FIG4: variants seen among roughly 807,000 people sequenced by gnomAD.
FIG4 encodes FIG4 phosphoinositide 5-phosphatase, also known as polyphosphoinositide phosphatase.
A neutral mutation model predicts 118.6 loss-of-function variants in FIG4; 112 were observed. The observed-to-expected ratio is 0.94, with a 90% CI of 0.81 to 1.11. The LOEUF (loss-of-function observed/expected upper bound fraction) is 1.11, where lower values mean the gene tolerates loss of function less well. FIG4 is among the 50% of genes least tolerant of loss of function. The pLI is 0.00. For synonymous variants in FIG4, 369 were observed against 381.2 expected (o/e 0.97, Z 0.37); for missense variants, 969 against 1,111.7 (o/e 0.87, Z 1.83).
At chr6:109,725,225 G>T (rs1004098049) in intron 3 of FIG4, among the ~76,000 whole-genome samples, 3 of 152,088 alleles carry the variant, frequency 2.0e-5, no homozygotes, top group African/African-American at 7.2e-5. Flanking sequence ...ACATGCGTTA[G>T]GTATTTGTCC....
At chr6:109,713,187 C>T (rs982546248) in intron 1 of FIG4, among the ~76,000 whole-genome samples, 4 of 152,164 alleles carry the variant, frequency 2.6e-5, no homozygotes, top group Non-Finnish European at 5.9e-5. Context: ...GGTGCGGTGG[C>T]GGTGGGATAT....
chr6:109,727,371 C>T, intron 4 of FIG4, 106 bp downstream of exon 4: 1 of 894,266 alleles, frequency 1.1e-6, no homozygotes. Flanking sequence ...TTGCTGTAGC[C>T]TTGGCCTCCC....
chr6:109,708,114 A>C (rs1181161235), intron 1 of FIG4, among the ~76,000 whole-genome samples: 1 of 151,658 alleles, frequency 6.6e-6, no homozygotes, highest in African/African-American at 2.4e-5. Flanking sequence ...CCTACTACCC[A>C]CTAGTTATTT....
intron 1 of FIG4, among the ~76,000 whole-genome samples, chr6:109,691,892 T>C: frequency 6.6e-6 from 1 of 152,228 alleles, no homozygotes; most frequent in East Asian, 1.9e-4. Context: ...AAATTTGAAC[T>C]ATGACTTGTA....
intron 1 of FIG4, among the ~76,000 whole-genome samples, chr6:109,694,707 C>A (rs1421926038): frequency 7.9e-5 from 12 of 152,090 alleles, no homozygotes; most frequent in African/African-American, 2.7e-4. Context: ...GACTAATATC[C>A]AGAATATATG....
chr6:109,696,991 C>T (rs1021986566), intron 1 of FIG4, among the ~76,000 whole-genome samples: 8 of 152,074 alleles, frequency 5.3e-5, no homozygotes, highest in Non-Finnish European at 1.2e-4. Flanking sequence ...ATTAAAATAT[C>T]ACTCTATGTT....
At chr6:109,812,810 A>G (rs1215327523) in intron 22 of FIG4, among the ~76,000 whole-genome samples, 1 of 152,172 alleles carries the variant, frequency 6.6e-6, no homozygotes, top group Non-Finnish European at 1.5e-5. Flanking sequence ...GGAGGGGAAT[A>G]TGAACTTGAG....
chr6:109,793,159 T>A (rs964904680), intron 21 of FIG4, among the ~76,000 whole-genome samples: 3 of 152,228 alleles, frequency 2.0e-5, no homozygotes, highest in Non-Finnish European at 4.4e-5. Flanking sequence ...AAATTTATGA[T>A]GCATGCAGGT....
At chr6:109,756,319 T>G (rs1198537411) in intron 10 of FIG4, among the ~76,000 whole-genome samples, 1 of 152,248 alleles carries the variant, frequency 6.6e-6, no homozygotes, top group Admixed American at 6.5e-5. Context: ...GTTAGTCTGT[T>G]GGGCTTCCCT....
At chr6:109,778,805 T>C (rs1194316199) in intron 16 of FIG4, among the ~76,000 whole-genome samples, 2 of 152,210 alleles carry the variant, frequency 1.3e-5, no homozygotes, top group East Asian at 1.9e-4. Context: ...TTCACTGTGT[T>C]AGCTAGGGTG....
intron 4 of FIG4, among the ~76,000 whole-genome samples, chr6:109,727,522 T>C (rs1775858825): frequency 6.6e-6 from 1 of 152,224 alleles, no homozygotes; most frequent in African/African-American, 2.4e-5. Context: ...GACTCCATTA[T>C]AGCAATTGGC....
At chr6:109,808,545 T>G (rs1373042146) in intron 22 of FIG4, among the ~76,000 whole-genome samples, 1 of 152,186 alleles carries the variant, frequency 6.6e-6, no homozygotes, top group South Asian at 2.1e-4. Flanking sequence ...AGTACTATGG[T>G]TGTCTTGAGG....
intron 1 of FIG4, among the ~76,000 whole-genome samples, chr6:109,695,581 C>CAT (rs923442796): frequency 7.2e-6 from 1 of 138,278 alleles, no homozygotes; most frequent in Non-Finnish European, 1.5e-5. Context: ...GCAGTGAATA[C>CAT]ACACACACAC....
intron 15 of FIG4, among the ~76,000 whole-genome samples, chr6:109,772,081 C>T (rs538920783): frequency 3.9e-5 from 6 of 152,194 alleles, no homozygotes; most frequent in Non-Finnish European, 7.3e-5. Flanking sequence ...CGAAACTGTA[C>T]TTGTCCAGGT....
intron 16 of FIG4, among the ~76,000 whole-genome samples, chr6:109,783,321 TAA>T (rs1777859095): frequency 6.6e-6 from 1 of 152,196 alleles, no homozygotes; most frequent in South Asian, 2.1e-4. Flanking sequence ...ATGTAAAAAT[TAA>T]AGACTGCATT....
chr6:109,704,489 C>T (rs976359676), intron 1 of FIG4, among the ~76,000 whole-genome samples: 1 of 151,988 alleles, frequency 6.6e-6, no homozygotes, highest in African/African-American at 2.4e-5. Context: ...AACCCTGTCT[C>T]TACTAAAAAT....
intron 10 of FIG4, among the ~76,000 whole-genome samples, chr6:109,754,785 T>C (rs1217648155): frequency 6.6e-6 from 1 of 152,212 alleles, no homozygotes; most frequent in Admixed American, 6.5e-5. Context: ...TCGGTGGTGA[T>C]ATCTCCTTTA....
chr6:109,818,294 G>A (rs996820121), intron 22 of FIG4, among the ~76,000 whole-genome samples: 63 of 152,094 alleles, frequency 4.1e-4, no homozygotes, highest in Middle Eastern at 3.4e-3. Flanking sequence ...TCCACCTCCT[G>A]GGTTCAAGCA....
At chr6:109,813,089 T>TA (rs1218872280) in intron 22 of FIG4, among the ~76,000 whole-genome samples, 2 of 152,346 alleles carry the variant, frequency 1.3e-5, no homozygotes, top group South Asian at 4.1e-4. Context: ...CATATAATTC[T>TA]ACCTAATATT....
Sources: allele counts gnomAD v4.1 joint callset (sites outside exome capture counted in the v4.1 genomes callset), GRCh38; gene constraint gnomAD v4.1.1; transcripts MANE v1.5; gene names NCBI Gene and HGNC (gene_info 2026-07-23, HGNC 2026-07-21).